MAP7D1: variants seen among roughly 807,000 people sequenced by gnomAD.
The protein encoded by MAP7D1 is MAP7 domain containing 1, also known as MAP7 domain-containing protein 1.
MAP7D1 carries 30 observed loss-of-function variants against 97.5 expected under a neutral mutation model. That is an observed-to-expected ratio of 0.31 (90% CI 0.23 to 0.42). The LOEUF (loss-of-function observed/expected upper bound fraction) is 0.42. Ranked by LOEUF, MAP7D1 falls within the 10% of genes least tolerant of loss-of-function variation. The probability of loss-of-function intolerance (pLI) is 1.00; values close to 1 mark genes in which losing one functional copy is unlikely to be tolerated. For missense variants in MAP7D1, 1,184 were observed against 1,179.5 expected, an observed-to-expected ratio of 1.00 and a Z score of -0.06; for synonymous variants, 536 against 477.1, an observed-to-expected ratio of 1.12 and a Z score of -1.61.
Position 36,179,967 on chromosome 1 carries a change from T to A in MAP7D1, c.2412T>A (p.Ser804=), listed in dbSNP as rs934100321. 2 of 1,614,194 alleles carry A rather than the reference T, an allele frequency of 1.2e-6. No individual in the cohort carries two copies. The highest frequency in any genetic ancestry group is 3.3e-5 in the Admixed American group (2 of 60,030). The stretch of plus-strand genomic sequence containing the variant: ...ATGGCTTCTCCACCAACGGACCCTC[T>A]GGGGACAAGAGTCTGAGCCGAACAC... ...QENGFSTNGP[S]GDKSLSRTPE... is the part of the protein sequence containing the mutation. Residue 804 remains serine (S), a synonymous_variant, in exon 16 of 17, where the codon TCT becomes TCA. Coordinates refer to ENST00000474796, the MANE Select transcript of MAP7D1 (RefSeq NM_001388490.1).
At position 36,178,553 on chromosome 1, in the gene MAP7D1, G is replaced by A. The variant is rs1644664918; in HGVS notation, c.1843G>A (p.Glu615Lys). ...GCGGCGCCAGGCCCGGGAGCAGCGG[G>A]AGCGCGAGGAGCAGGAGCGGAGGCT... ...EKRRQAREQREREEQERRLQA... is the reference protein window; with the variant it reads ...EKRRQAREQRKREEQERRLQA... The change falls in exon 10 of 17, where the codon GAG (glutamate) becomes AAG (lysine). Residue 615 changes from glutamate to lysine, a missense_variant. By Grantham distance (56) the Glu-to-Lys change is moderately conservative (BLOSUM62 1). Coordinates refer to ENST00000474796, the MANE Select transcript of MAP7D1 (RefSeq NM_001388490.1). 1 of 1,595,452 alleles carries A rather than the reference G, an allele frequency of 6.3e-7. No homozygotes were observed.
intron 1 of MAP7D1, among the ~76,000 whole-genome samples, chr1:36,156,726 C>T (rs1644336275): frequency 6.6e-6 from 1 of 151,808 alleles, no homozygotes; most frequent in South Asian, 2.1e-4. Flanking sequence ...GTTGGGGTGA[C>T]CCTTCTGCCC....
At chr1:36,179,602 C>T in intron 14 of MAP7D1, 45 bp downstream of exon 14, 1 of 1,553,088 alleles carries the variant, frequency 6.4e-7, no homozygotes, top group Non-Finnish European at 8.7e-7. Flanking sequence ...TGCCATCCTC[C>T]TCCTCCTCCA....
At chr1:36,164,257 G>A (rs528826847) in intron 1 of MAP7D1, among the ~76,000 whole-genome samples, 1 of 152,198 alleles carries the variant, frequency 6.6e-6, no homozygotes, top group African/African-American at 2.4e-5. Context: ...TGGCACTGTG[G>A]TAGCTGCTGG....
At chr1:36,162,876 C>T (rs181512227) in intron 1 of MAP7D1, among the ~76,000 whole-genome samples, 9 of 152,288 alleles carry the variant, frequency 5.9e-5, no homozygotes, top group African/African-American at 2.2e-4. Flanking sequence ...ACAGAACTCC[C>T]ACTCTGTGCC....
Position 36,159,506 on chromosome 1 carries a change from G to T in MAP7D1, c.46+3043G>T, listed in dbSNP as rs1644380365. ...CTAGGGTGTATCCAGGGAACGGAGG[G>T]GCCCCATACCTGAAGTGGAACAGTG... On this transcript the variant is annotated intron_variant, in intron 1 of 16. Coordinates refer to ENST00000474796, the MANE Select transcript of MAP7D1 (RefSeq NM_001388490.1). The surrounding 1 kb of genome is among the most constrained non-coding windows in gnomAD (Gnocchi z 5.4). Among the ~76,000 whole-genome samples, 1 of 152,134 alleles carries T rather than the reference G, an allele frequency of 6.6e-6. No individual in the cohort carries two copies. Among genetic ancestry groups the T allele is most frequent in the South Asian group, 2.1e-4 (1 of 4,834 alleles).
chr1:36,179,633 C>G lies in MAP7D1; in HGVS notation c.2228-33C>G, dbSNP rs1436556993. The G allele has an allele frequency of 1.9e-6, 3 of 1,544,138 alleles. No homozygotes were observed. In the African/African-American group the frequency reaches 4.1e-5, roughly 21 times the overall value. On this transcript the variant is annotated intron_variant, in intron 14 of 16. Coordinates refer to ENST00000474796, the MANE Select transcript of MAP7D1 (RefSeq NM_001388490.1). ...CTCCATCCTCACCTCTCTTGCCAGC[C>G]CCTGGCTGATGGCCCCTCTTTCCCT...
At chr1:36,161,883 G>GTA (rs1369374529) in intron 1 of MAP7D1, among the ~76,000 whole-genome samples, 10 of 148,472 alleles carry the variant, frequency 6.7e-5, no homozygotes, top group Admixed American at 4.7e-4. Flanking sequence ...GTGTATGTGT[G>GTA]TGTGTGTGTG....
intron 1 of MAP7D1, among the ~76,000 whole-genome samples, chr1:36,158,626 C>T (rs746652030): frequency 6.6e-6 from 1 of 152,166 alleles, no homozygotes; most frequent in Non-Finnish European, 1.5e-5. Context: ...TGTTGTCAAC[C>T]TTGTGGGGTT....
At position 36,158,756 on chromosome 1, in the gene MAP7D1, G is replaced by A. The variant is rs928600126; in HGVS notation, c.46+2293G>A. Among the ~76,000 whole-genome samples the A allele has an allele frequency of 5.3e-5, 8 of 152,298 alleles. No individual in the cohort carries two copies. In the East Asian group the frequency reaches 1.5e-3, roughly 29 times the overall value. ...TTCTGCAACCGGTGCCAGCAGGGAG[G>A]TATGAAATATAGGGGAGGGTGGGAG... On this transcript the variant is annotated intron_variant, in intron 1 of 16. Coordinates refer to ENST00000474796, the MANE Select transcript of MAP7D1 (RefSeq NM_001388490.1).
At position 36,176,494 on chromosome 1, in the gene MAP7D1, C is replaced by T; in HGVS notation, c.1146C>T (p.Cys382=). ...PCSVTRSVHR[C]APAGERGERR... ...GCGTCACCCGAAGCGTGCACCGCTG[C>T]GCCCCCGCCGGTGAGCGCGGGGAGC... Residue 382 remains cysteine (C), a synonymous_variant, in exon 7 of 17, where the codon TGC becomes TGT. Transcript: ENST00000474796. This position sits in a 1 kb window ranked among gnomAD's most constrained non-coding sequence, Gnocchi z 6.1. 1.5e-6 allele frequency: 2 copies of T among 1,375,806 alleles called. No homozygotes were observed. The highest frequency in any genetic ancestry group is 1.9e-6 in the Non-Finnish European group (2 of 1,066,246). The allele number at this position is 1,375,806 out of a possible 1,614,324, so 85.2% of individuals were successfully genotyped here.
chr1:36,175,022 C>G lies in MAP7D1; in HGVS notation c.850+14C>G. On this transcript the variant is annotated intron_variant, in intron 6 of 16. Transcript: ENST00000474796. ...CCCCCAGTAGAAGTAAGAGAAGGCCCAGCCCTTCCCCCTCCAGAGCCCCTT... is the reference window on the plus strand; with the variant it reads ...CCCCCAGTAGAAGTAAGAGAAGGCCGAGCCCTTCCCCCTCCAGAGCCCCTT... The G allele has an allele frequency of 6.4e-7, 1 of 1,561,966 alleles. No individual in the cohort carries two copies. Among genetic ancestry groups the G allele is most frequent in the Non-Finnish European group, 8.8e-7 (1 of 1,132,992 alleles).
chr1:36,176,455 C>G lies in MAP7D1; in HGVS notation c.1107C>G (p.Pro369=). ...PVCPRSASAS[P]LTPCSVTRSV... is the part of the protein sequence containing the mutation. ...GCCCGCGCTCGGCCTCCGCCAGCCCCCTGACGCCGTGCAGCGTCACCCGAA... is the reference window on the plus strand; with the variant it reads ...GCCCGCGCTCGGCCTCCGCCAGCCCGCTGACGCCGTGCAGCGTCACCCGAA... Residue 369 remains proline, a synonymous_variant, in exon 7 of 17, where the codon CCC becomes CCG. Coordinates refer to ENST00000474796, the MANE Select transcript of MAP7D1 (RefSeq NM_001388490.1). The surrounding 1 kb of genome is among the most constrained non-coding windows in gnomAD (Gnocchi z 6.1). 1 of 1,507,570 alleles carries G rather than the reference C, an allele frequency of 6.6e-7. No individual in the cohort carries two copies. Among genetic ancestry groups the G allele is most frequent in the Non-Finnish European group, 8.8e-7 (1 of 1,135,732 alleles). The allele number at this position is 1,507,570 out of a possible 1,614,324, so 93.4% of individuals were successfully genotyped here. A position where few individuals can be genotyped will look rare whatever the true frequency, so the allele number is the denominator to read the frequency against.
rs750191340 is a variant in MAP7D1, at chr1:36,164,177, G to A, written c.47-6794G>A. The stretch of plus-strand genomic sequence containing the variant: ...CTTCTATATGCTTTAGGCTAGGGCA[G>A]CCTCATAGTATAGCACTTTATTTGT... On this transcript the variant is annotated intron_variant, in intron 1 of 16. Transcript: ENST00000474796. 3.3e-5 allele frequency among the ~76,000 whole-genome samples: 5 copies of A among 152,224 alleles called. No individual in the cohort carries two copies. In the South Asian group the frequency reaches 1.0e-3, roughly 32 times the overall value.
chr1:36,159,985 C>T lies in MAP7D1; in HGVS notation c.46+3522C>T, dbSNP rs1470984724. Among the ~76,000 whole-genome samples the T allele has an allele frequency of 6.6e-6, 1 of 152,218 alleles. No homozygotes were observed. Among genetic ancestry groups the T allele is most frequent in the African/African-American group, 2.4e-5 (1 of 41,456 alleles). ...CAAATGAGGTGGAAGGGATACTAGG[C>T]CAGCTCAGGTCCCCTTTCCTAACAT... On this transcript the variant is annotated intron_variant, in intron 1 of 16. Transcript: ENST00000474796. This position sits in a 1 kb window ranked among gnomAD's most constrained non-coding sequence, Gnocchi z 5.4.
At position 36,177,849 on chromosome 1, in the gene MAP7D1, CTTCCCTT is replaced by C. The variant is rs756959970; in HGVS notation, c.1380-13_1380-7del. ...GTGTGGGTGTGTGTGTCTCCTAACCCTTCCCTTTTCCCTTTTCTCTTAGCCCCAAATC... is the reference window on the plus strand; with the variant it reads ...GTGTGGGTGTGTGTGTCTCCTAACCCTTCCCTTTTCTCTTAGCCCCAAATC... On this transcript the variant is annotated splice_polypyrimidine_tract_variant and intron_variant, in intron 8 of 16. Transcript: ENST00000474796. The C allele has an allele frequency of 8.1e-4, 1,236 of 1,524,338 alleles. 4 individuals are homozygous for C. The highest frequency in any genetic ancestry group is 1.0e-3 in the Non-Finnish European group (1,165 of 1,137,180). 94.4% of individuals were successfully genotyped at this position (1,524,338 alleles called of 1,614,324 possible).
intron 8 of MAP7D1, chr1:36,177,527 C>A (rs1365562356): frequency 2.0e-6 from 1 of 492,846 alleles, no homozygotes; most frequent in South Asian, 1.7e-5. Context: ...GTCTTAAAAA[C>A]AACAACAACA....
intron 8 of MAP7D1, among the ~76,000 whole-genome samples, chr1:36,177,125 T>A (rs369806905): frequency 7.2e-5 from 11 of 152,052 alleles, no homozygotes; most frequent in East Asian, 5.8e-4. Flanking sequence ...ATTTTTTGTA[T>A]TTTTGGTAGA....
rs201436340 is a variant in MAP7D1 at position 36,180,249 on chromosome 1, A to G, written c.2514A>G (p.Glu838=). Residue 838 remains glutamate, a splice_region_variant and synonymous_variant, in exon 17 of 17, where the codon GAA becomes GAG. Coordinates refer to ENST00000474796, the MANE Select transcript of MAP7D1 (RefSeq NM_001388490.1). ...GTTTCCCTTCCTGTTTTTCCCCAGA[A>G]GTCCTTTAAGAGGGTTTGCCTTGGA... ...KAVVQSPQVT[E]VL is the part of the protein sequence containing the mutation. 6.2e-7 allele frequency: 1 copy of G among 1,614,182 alleles called. No individual in the cohort carries two copies. Among genetic ancestry groups the G allele is most frequent in the African/African-American group, 1.3e-5 (1 of 75,048 alleles).
Sources: gnomAD v4.1 joint callset for allele counts (sites outside exome capture counted in the v4.1 genomes callset) on GRCh38, gnomAD v4.1.1 for gene constraint, Gnocchi (gnomAD v3.1) non-coding constraint, MANE v1.5 for transcripts, NCBI Gene and HGNC (gene_info 2026-07-23, HGNC 2026-07-21) for gene names.